The following SPATA45 variants were observed in gnomAD, a reference collection of about 807,000 sequenced individuals.
The protein encoded by SPATA45 is spermatogenesis associated 45.
In SPATA45, 5 loss-of-function variants were observed where a neutral mutation model predicts 7.0. The ratio of observed to expected loss-of-function variants is 0.71; its 90% CI spans 0.37 to 1.50. SPATA45 has a LOEUF of 1.50. Ranked by LOEUF, SPATA45 falls within the 40% of genes most tolerant of loss-of-function variation. The pLI, the probability that SPATA45 is intolerant of heterozygous loss-of-function variation, is 0.03. For missense variants in SPATA45, 111 were observed against 114.9 expected, an observed-to-expected ratio of 0.97 and a Z score of 0.16; for synonymous variants, 40 against 38.7, an observed-to-expected ratio of 1.03 and a Z score of -0.13.
At chr1:212,830,931 C>T (rs546137846) in intron 2 of SPATA45, among the ~76,000 whole-genome samples, 6 of 150,782 alleles carry the variant, frequency 4.0e-5, no homozygotes, top group Non-Finnish European at 5.9e-5. Flanking sequence ...TGCAGTGAGC[C>T]GAGATCGCAA....
intron 1 of SPATA45, among the ~76,000 whole-genome samples, chr1:212,843,611 G>A (rs535602644): frequency 1.3e-5 from 2 of 152,250 alleles, no homozygotes; most frequent in South Asian, 4.1e-4. Context: ...GACGTTCAAG[G>A]TAATGACAGT....
Position 212,836,073 on chromosome 1 carries a change from T to A in SPATA45, c.77A>T (p.Asn26Ile). Residue 26 changes from asparagine to isoleucine, a missense_variant, in exon 2 of 3, where the codon AAC (asparagine) becomes ATC (isoleucine). Transcript: ENST00000332912. ...VSKQHLLEEI[N>I]KKRESNCLVE... ...CAAGCAGTTGGATTCACGCTTTTTG[T>A]TTATCTCCTCCAGGAGATGTTGTTT... The A allele has an allele frequency of 1.2e-6, 2 of 1,609,180 alleles. No homozygotes were observed. Among genetic ancestry groups the A allele is most frequent in the Non-Finnish European group, 1.7e-6 (2 of 1,175,902 alleles).
chr1:212,834,986 TC>T (rs1415329210), intron 2 of SPATA45, among the ~76,000 whole-genome samples: 1 of 151,568 alleles, frequency 6.6e-6, no homozygotes, highest in Non-Finnish European at 1.5e-5. Context: ...TCCAGGCACC[TC>T]CCTAGAGTCT....
intron 1 of SPATA45, among the ~76,000 whole-genome samples, chr1:212,840,134 C>A (rs1448952310): frequency 6.6e-6 from 1 of 151,364 alleles, no homozygotes; most frequent in Non-Finnish European, 1.5e-5. Context: ...TTTTAGTGGG[C>A]CAGGCGCAGT....
At chr1:212,845,025 C>T (rs1307123719) in intron 1 of SPATA45, among the ~76,000 whole-genome samples, 5 of 152,194 alleles carry the variant, frequency 3.3e-5, no homozygotes, top group African/African-American at 1.2e-4. Context: ...ACTGAAACTT[C>T]CACCTATCAA....
intron 1 of SPATA45, among the ~76,000 whole-genome samples, chr1:212,843,439 T>A (rs1181111951): frequency 1.3e-5 from 2 of 152,224 alleles, no homozygotes; most frequent in Non-Finnish European, 2.9e-5. Flanking sequence ...AAATAGGCAC[T>A]TTAAAAAAAG....
chr1:212,836,095 G>C lies in SPATA45; in HGVS notation c.55C>G (p.Gln19Glu). The change falls in exon 2 of 3, where the codon CAA becomes GAA. Residue 19 changes from glutamine to glutamate, a missense_variant. Transcript: ENST00000332912. ...TTGTTTATCTCCTCCAGGAGATGTT[G>C]TTTGCTTACTCCATGTTTTTTCATT... The part of the protein sequence containing the change: ...EIMKKHGVSK[Q>E]HLLEEINKKR... The C allele has an allele frequency of 6.2e-7, 1 of 1,606,106 alleles. No homozygotes were observed. The highest frequency in any genetic ancestry group is 8.5e-7 in the Non-Finnish European group (1 of 1,173,204).
chr1:212,837,589 C>T (rs747728920), intron 1 of SPATA45, among the ~76,000 whole-genome samples: 27 of 151,446 alleles, frequency 1.8e-4, no homozygotes, highest in Non-Finnish European at 2.5e-4. Context: ...GCTGAGATCA[C>T]GCGATTGCAC....
intron 1 of SPATA45, among the ~76,000 whole-genome samples, chr1:212,847,243 G>A (rs976881314): frequency 6.6e-6 from 1 of 152,096 alleles, no homozygotes; most frequent in African/African-American, 2.4e-5. Flanking sequence ...ATTACTCATT[G>A]ATTACGTATT....
At chr1:212,847,356 C>T (rs1382337504) in intron 1 of SPATA45, among the ~76,000 whole-genome samples, 1 of 152,122 alleles carries the variant, frequency 6.6e-6, no homozygotes, top group African/African-American at 2.4e-5. Context: ...TTCCATATTG[C>T]TTTTGCGCCA....
Position 212,836,372 on chromosome 1 carries a change from C to T in SPATA45, c.-38-185G>A, listed in dbSNP as rs568098718. Among the ~76,000 whole-genome samples, 3 of 151,720 alleles carry T rather than the reference C, an allele frequency of 2.0e-5. 1 individual carries two copies. The South Asian group carries it at 6.3e-4, about 32-fold the overall frequency. Reference sequence around the variant, plus strand: ...TTTAGACAGGGTCTTGCTCTGTCGCCCAGGTTGACACACAGTGGCATGATC... The same window carrying T: ...TTTAGACAGGGTCTTGCTCTGTCGCTCAGGTTGACACACAGTGGCATGATC... On this transcript the variant is annotated intron_variant, in intron 1 of 2. Coordinates refer to ENST00000332912, the MANE Select transcript of SPATA45 (RefSeq NM_001024601.3).
intron 2 of SPATA45, 131 bp from the exon 3 acceptor site, chr1:212,830,392 C>A (rs1194014803): frequency 1.9e-6 from 1 of 540,184 alleles, no homozygotes; most frequent in Non-Finnish European, 3.3e-6. Context: ...ACCAAATGGG[C>A]CGGGTGCGGT....
intron 2 of SPATA45, among the ~76,000 whole-genome samples, chr1:212,833,279 C>T (rs1038096013): frequency 9.2e-5 from 14 of 151,478 alleles, no homozygotes; most frequent in Non-Finnish European, 2.1e-4. Context: ...AATTCCTATG[C>T]CTTTGCATCC....
At chr1:212,843,629 A>T (rs6657416) in intron 1 of SPATA45, among the ~76,000 whole-genome samples, 106,419 of 152,040 alleles carry the variant, frequency 0.7, 37,775 homozygotes, top group African/African-American at 0.77. Context: ...AGTAAAACTT[A>T]AAGCCAATTG....
At chr1:212,837,575 G>A (rs1234046893) in intron 1 of SPATA45, among the ~76,000 whole-genome samples, 1 of 151,648 alleles carries the variant, frequency 6.6e-6, no homozygotes, top group African/African-American at 2.4e-5. Flanking sequence ...AGAGGTTGCA[G>A]TGAGCTGAGA....
chr1:212,838,797 G>A (rs1663631938), intron 1 of SPATA45, among the ~76,000 whole-genome samples: 1 of 151,508 alleles, frequency 6.6e-6, no homozygotes, highest in African/African-American at 2.4e-5. Context: ...GACCTCCCAG[G>A]CTCAAGCCAT....
chr1:212,843,581 C>A (rs75313819), intron 1 of SPATA45, among the ~76,000 whole-genome samples: 3,483 of 152,200 alleles, frequency 0.023, 63 homozygotes, highest in South Asian at 0.041. Flanking sequence ...ATGCTGGACC[C>A]TTTATTAACA....
chr1:212,840,278 C>T (rs1445676932), intron 1 of SPATA45, among the ~76,000 whole-genome samples: 2 of 142,060 alleles, frequency 1.4e-5, no homozygotes, highest in East Asian at 2.3e-4. Flanking sequence ...GGCGTGGTGG[C>T]GCGCACCTGT....
rs759115825 is a variant in SPATA45, at chr1:212,830,238, C to T, written c.*4G>A. The T allele has an allele frequency of 6.6e-6, 10 of 1,522,320 alleles. No homozygotes were observed. The East Asian group carries it at 6.9e-5, about 10-fold the overall frequency. 94.3% of individuals were successfully genotyped at this position (1,522,320 alleles called of 1,614,324 possible). On this transcript the variant is annotated 3_prime_UTR_variant, in exon 3 of 3. Transcript: ENST00000332912. ...GTATTTCCGTGTGTCTCTGGAGATG[C>T]ACTTTATCCAAATATGGCATTATCT...
Sources: gnomAD v4.1 joint callset for allele counts (sites outside exome capture counted in the v4.1 genomes callset) on GRCh38, gnomAD v4.1.1 for gene constraint, MANE v1.5 for transcripts, NCBI Gene and HGNC (gene_info 2026-07-23, HGNC 2026-07-21) for gene names.